Variants in TENM3 observed in about 807,000 individuals in gnomAD.
The protein encoded by TENM3 is teneurin-3.
TENM3 carries 63 observed loss-of-function variants against 255.1 expected under a neutral mutation model. The observed-to-expected ratio is 0.25, with a 90% CI of 0.20 to 0.30. TENM3 has a LOEUF of 0.30. TENM3 is among the 10% of genes least tolerant of loss of function. The pLI, the probability that TENM3 is intolerant of heterozygous loss-of-function variation, is 1.00. For synonymous variants in TENM3, 1,306 were observed against 1,322.3 expected, an observed-to-expected ratio of 0.99 and a Z score of 0.27; for missense variants, 2,929 against 3,461.1, an observed-to-expected ratio of 0.85 and a Z score of 3.86.
At chr4:181,709,706 G>A in the TENM3 span, among the ~76,000 whole-genome samples, 2 of 152,244 alleles carry the variant, frequency 1.3e-5, no homozygotes, top group African/African-American at 4.8e-5. Context: ...ATCATAGGAG[G>A]GGACAGCCAT....
intron 6 of TENM3, among the ~76,000 whole-genome samples, chr4:182,663,058 C>T (rs1293953932): frequency 6.6e-6 from 1 of 152,160 alleles, no homozygotes; most frequent in Non-Finnish European, 1.5e-5. Flanking sequence ...CCTTATATCT[C>T]TACATCACTG....
Position 182,799,487 on chromosome 4 carries a change from G to A in TENM3, c.7345-109G>A, listed in dbSNP as rs207465370. 5 of 1,401,022 alleles carry A rather than the reference G, an allele frequency of 3.6e-6. No individual in the cohort carries two copies. Among genetic ancestry groups the A allele is most frequent in the African/African-American group, 1.5e-5 (1 of 68,238 alleles). The allele number at this position is 1,401,022 out of a possible 1,614,324, so 86.8% of individuals were successfully genotyped here. A position where few individuals can be genotyped will look rare whatever the true frequency, so the allele number is the denominator to read the frequency against. On this transcript the variant is annotated intron_variant, in intron 27 of 27. Coordinates refer to ENST00000511685, the MANE Select transcript of TENM3 (RefSeq NM_001080477.4). This position sits in a 1 kb window ranked among gnomAD's most constrained non-coding sequence, Gnocchi z 4.2. Reference sequence around the variant, plus strand: ...AGCCTTCTGGTCAGGGAAGGACCCCGGGGCTTCCATGCATGCCCCGGCGCT... The same window carrying A: ...AGCCTTCTGGTCAGGGAAGGACCCCAGGGCTTCCATGCATGCCCCGGCGCT...
intron 13 of TENM3, among the ~76,000 whole-genome samples, chr4:182,722,081 T>C (rs1449655372): frequency 1.3e-5 from 2 of 152,236 alleles, no homozygotes; most frequent in African/African-American, 2.4e-5. Flanking sequence ...GTTTATCTTT[T>C]TAGTCGTGAC....
At chr4:182,390,838 A>G (rs543236642) in intron 3 of TENM3, among the ~76,000 whole-genome samples, 7 of 152,214 alleles carry the variant, frequency 4.6e-5, no homozygotes, top group African/African-American at 7.2e-5. Context: ...TGATACTTAC[A>G]TGTCCCACTT....
At chr4:182,186,939 T>G (rs925559480) in intron 1 of TENM3, among the ~76,000 whole-genome samples, 5 of 150,430 alleles carry the variant, frequency 3.3e-5, no homozygotes, top group Non-Finnish European at 5.9e-5. Context: ...TCTTCAGATC[T>G]CTAATAAATG....
intron 1 of TENM3, among the ~76,000 whole-genome samples, chr4:182,237,616 T>G (rs1469112769): frequency 6.6e-6 from 1 of 152,150 alleles, no homozygotes; most frequent in Non-Finnish European, 1.5e-5. Flanking sequence ...ATAGCATCCT[T>G]TAGCCAAAAT....
chr4:182,685,382 T>C (rs1177493319), intron 11 of TENM3, among the ~76,000 whole-genome samples: 1 of 151,986 alleles, frequency 6.6e-6, no homozygotes, highest in Non-Finnish European at 1.5e-5. Context: ...AAACACAAAT[T>C]GGGATCTGGA....
At chr4:182,161,593 ATATATACATATATATATATG>A (rs1366749149) in intron 1 of TENM3, among the ~76,000 whole-genome samples, 4 of 122,964 alleles carry the variant, frequency 3.3e-5, no homozygotes, top group Admixed American at 9.1e-5. Flanking sequence ...GTCCAAATAT[ATATATACATATATATATATG>A]TATATATATA....
the TENM3 span, among the ~76,000 whole-genome samples, chr4:182,062,369 G>A: frequency 2.0e-5 from 3 of 152,152 alleles, no homozygotes; most frequent in Non-Finnish European, 2.9e-5. Context: ...ATAAAATAGT[G>A]AAATGTCCAT....
At chr4:182,538,898 C>G (rs1437705617) in intron 3 of TENM3, among the ~76,000 whole-genome samples, 1 of 151,812 alleles carries the variant, frequency 6.6e-6, no homozygotes, top group Admixed American at 6.6e-5. Flanking sequence ...AGGAAAGATC[C>G]TTAGTTCTGT....
At chr4:182,552,207 G>T (rs970704058) in intron 3 of TENM3, among the ~76,000 whole-genome samples, 1 of 152,104 alleles carries the variant, frequency 6.6e-6, no homozygotes, top group African/African-American at 2.4e-5. Flanking sequence ...CACTTTGGGA[G>T]GCTGAGGCAC....
the TENM3 span, among the ~76,000 whole-genome samples, chr4:181,902,399 CTTTTGGTGTTTT>C: frequency 6.6e-6 from 1 of 152,092 alleles, no homozygotes; most frequent in Non-Finnish European, 1.5e-5. Flanking sequence ...GTTGTAATTG[CTTTTGGTGTTTT>C]AGTCAGGAAG....
chr4:181,749,344 G>A, the TENM3 span, among the ~76,000 whole-genome samples: 3 of 152,148 alleles, frequency 2.0e-5, no homozygotes, highest in Non-Finnish European at 4.4e-5. Context: ...AGATTTTGGG[G>A]TCCTTTAAAA....
intron 13 of TENM3, among the ~76,000 whole-genome samples, chr4:182,718,772 C>T (rs1037668949): frequency 6.6e-6 from 1 of 152,150 alleles, no homozygotes; most frequent in Non-Finnish European, 1.5e-5. Flanking sequence ...TAATTCTCCC[C>T]ATATACTTTT....
the TENM3 span, among the ~76,000 whole-genome samples, chr4:181,706,655 A>G: frequency 6.6e-6 from 1 of 152,184 alleles, no homozygotes; most frequent in South Asian, 2.1e-4. Flanking sequence ...AGGAAAAAAA[A>G]CAAACAGGCG....
At chr4:182,693,405 C>T (rs1012611998) in intron 12 of TENM3, among the ~76,000 whole-genome samples, 1 of 151,434 alleles carries the variant, frequency 6.6e-6, no homozygotes, top group South Asian at 2.1e-4. Flanking sequence ...GGCTCAATCT[C>T]GGGTCACTGC....
At chr4:182,127,321 T>C in the TENM3 span, among the ~76,000 whole-genome samples, 2 of 152,210 alleles carry the variant, frequency 1.3e-5, no homozygotes, top group African/African-American at 4.8e-5. Flanking sequence ...GATATGATTA[T>C]CAGCAGCGCC....
chr4:181,500,861 C>CT, the TENM3 span, among the ~76,000 whole-genome samples: 2 of 152,166 alleles, frequency 1.3e-5, no homozygotes, highest in Non-Finnish European at 2.9e-5. Context: ...CCAGCAGGGC[C>CT]TGCTCCCTAT....
chr4:182,418,488 A>T (rs888878552), intron 3 of TENM3, among the ~76,000 whole-genome samples: 3 of 152,032 alleles, frequency 2.0e-5, no homozygotes, highest in African/African-American at 7.3e-5. Context: ...GAATTTTACA[A>T]CCTGTTTCCA....
Sources: allele counts gnomAD v4.1 joint callset (sites outside exome capture counted in the v4.1 genomes callset), GRCh38; gene constraint gnomAD v4.1.1; non-coding constraint Gnocchi (gnomAD v3.1); transcripts MANE v1.5; gene names NCBI Gene and HGNC (gene_info 2026-07-23, HGNC 2026-07-21).